The following EXD3 variants were observed in gnomAD, a reference collection of about 807,000 sequenced individuals.
The protein encoded by EXD3 is exonuclease 3'-5' domain containing 3, also known as exonuclease mut-7 homolog.
A neutral mutation model predicts 98.0 loss-of-function variants in EXD3; 92 were observed. That is an observed-to-expected ratio of 0.94 (90% CI 0.79 to 1.12). The LOEUF (loss-of-function observed/expected upper bound fraction) is 1.12. EXD3 is among the 50% of genes most tolerant of loss of function. EXD3 has a pLI of 0.00. For synonymous variants in EXD3, 569 were observed against 526.0 expected, an observed-to-expected ratio of 1.08 and a Z score of -1.12; for missense variants, 1,222 against 1,191.6, an observed-to-expected ratio of 1.03 and a Z score of -0.38.
intron 3 of EXD3, among the ~76,000 whole-genome samples, chr9:137,382,074 G>A (rs1564194634): frequency 1.6e-5 from 2 of 127,906 alleles, no homozygotes; most frequent in East Asian, 2.7e-4. Flanking sequence ...AGGTGAGGGC[G>A]CGCGGTGGAG....
At chr9:137,388,417 C>T (rs561352535) in intron 2 of EXD3, among the ~76,000 whole-genome samples, 11 of 152,312 alleles carry the variant, frequency 7.2e-5, no homozygotes, top group African/African-American at 1.9e-4. Flanking sequence ...TTCCTCCAAA[C>T]GACACCCGGC....
chr9:137,393,287 C>T lies in EXD3; in HGVS notation c.55+2016G>A, dbSNP rs919664565. 1 of 699,740 alleles carries T rather than the reference C, an allele frequency of 1.4e-6. No homozygotes were observed. Among genetic ancestry groups the T allele is most frequent in the East Asian group, 2.7e-5 (1 of 37,222 alleles). 43.3% of individuals were successfully genotyped at this position (699,740 alleles called of 1,614,324 possible). A position where few individuals can be genotyped will look rare whatever the true frequency, so the allele number is the denominator to read the frequency against. On this transcript the variant is annotated intron_variant, in intron 2 of 21. Coordinates refer to ENST00000340951, the MANE Select transcript of EXD3 (RefSeq NM_017820.5). This position sits in a 1 kb window ranked among gnomAD's most constrained non-coding sequence, Gnocchi z 4.6. Reference sequence around the variant, plus strand: ...TGAGGCGAACCCAGGGTCCCATGCGCTCCCCGGCCCTGACGGCGGTCTCCA... The same window carrying T: ...TGAGGCGAACCCAGGGTCCCATGCGTTCCCCGGCCCTGACGGCGGTCTCCA...
chr9:137,316,109 C>T (rs889791927), intron 19 of EXD3, among the ~76,000 whole-genome samples: 1 of 149,360 alleles, frequency 6.7e-6, no homozygotes, highest in Non-Finnish European at 1.5e-5. Flanking sequence ...CTCGGCGGGG[C>T]GCGGCGCGCT....
intron 19 of EXD3, among the ~76,000 whole-genome samples, chr9:137,318,755 G>A (rs1397293566): frequency 1.3e-5 from 2 of 152,280 alleles, no homozygotes; most frequent in Middle Eastern, 3.4e-3. Flanking sequence ...CACGTGGGCA[G>A]ATGCTACCAG....
rs201498026 is a variant in EXD3 at position 137,349,063 on chromosome 9, C to T, written c.1830+47G>A. The T allele has an allele frequency of 6.3e-4, 965 of 1,538,040 alleles. 2 individuals carry two copies. In the African/African-American group the frequency reaches 6.6e-3, roughly 10 times the overall value. On this transcript the variant is annotated intron_variant, in intron 16 of 21. Transcript: ENST00000340951. The surrounding 1 kb of genome is among the most constrained non-coding windows in gnomAD (Gnocchi z 7.4). ...GTCCTTGGTTTATGGACAGGGATCTCCTTCCCCAAGAATGCTGACAAACGG... is the reference window on the plus strand; with the variant it reads ...GTCCTTGGTTTATGGACAGGGATCTTCTTCCCCAAGAATGCTGACAAACGG...
Position 137,365,952 on chromosome 9 carries a change from C to T in EXD3, c.656+541G>A, listed in dbSNP as rs577338794. 2.2e-4 allele frequency: 104 copies of T among 482,294 alleles called. 1 individual carries two copies. The highest frequency in any genetic ancestry group is 1.7e-3 in the African/African-American group (86 of 51,224). The allele number at this position is 482,294 out of a possible 1,614,324, so 29.9% of individuals were successfully genotyped here. A position where few individuals can be genotyped will look rare whatever the true frequency, so the allele number is the denominator to read the frequency against. On this transcript the variant is annotated intron_variant, in intron 7 of 21. Coordinates refer to ENST00000340951, the MANE Select transcript of EXD3 (RefSeq NM_017820.5). ...ACAGGCACACACAAACGTGCACACA[C>T]GCACATATCACGTGCACACACAGAG...
intron 2 of EXD3, among the ~76,000 whole-genome samples, chr9:137,390,431 CCAA>C (rs1836845678): frequency 3.6e-5 from 4 of 109,884 alleles, no homozygotes; most frequent in Admixed American, 9.1e-5. Context: ...GATTCTGTTG[CCAA>C]AAAAAAAAAA....
rs1835575998 is a variant in EXD3, at chr9:137,371,160, A to G, written c.462+1745T>C. ...GAGGCGCATTCAGCCGGCCCCAGAC[A>G]GTCTTTGAAAGGCTCTGTAACAGAA... On this transcript the variant is annotated intron_variant, in intron 5 of 21. Transcript: ENST00000340951. This position sits in a 1 kb window ranked among gnomAD's most constrained non-coding sequence, Gnocchi z 8.0. Among the ~76,000 whole-genome samples the G allele has an allele frequency of 1.3e-5, 2 of 152,142 alleles. No individual in the cohort carries two copies. Among genetic ancestry groups the G allele is most frequent in the Admixed American group, 6.5e-5 (1 of 15,288 alleles).
At chr9:137,313,012 G>A (rs1831448804) in intron 19 of EXD3, among the ~76,000 whole-genome samples, 1 of 152,206 alleles carries the variant, frequency 6.6e-6, no homozygotes, top group African/African-American at 2.4e-5. Context: ...TAGGTGGCTG[G>A]TGCACAGGAG....
At chr9:137,310,317 C>T (rs1831293179) in intron 19 of EXD3, among the ~76,000 whole-genome samples, 1 of 152,318 alleles carries the variant, frequency 6.6e-6, no homozygotes, top group South Asian at 2.1e-4. Context: ...AATCACAGCT[C>T]ACTGCAGCCT....
chr9:137,308,993 G>T (rs922706736), intron 20 of EXD3, among the ~76,000 whole-genome samples: 3 of 152,136 alleles, frequency 2.0e-5, no homozygotes, highest in South Asian at 4.1e-4. Flanking sequence ...CCCCGTGCCA[G>T]CCCCCGACTG....
rs146987075 is a variant in EXD3 at position 137,312,864 on chromosome 9, G to T, written c.2185-3164C>A. ...AGGGGCCAGCGCTGGGCTGCAGAATGTGCCTCCAGCAGTGTCTGTGTGCCC... is the reference window on the plus strand; with the variant it reads ...AGGGGCCAGCGCTGGGCTGCAGAATTTGCCTCCAGCAGTGTCTGTGTGCCC... On this transcript the variant is annotated intron_variant, in intron 19 of 21. Transcript: ENST00000340951. Among the ~76,000 whole-genome samples the T allele has an allele frequency of 3.4e-4, 52 of 152,272 alleles. No homozygotes were observed. In the East Asian group the frequency reaches 9.7e-3, roughly 28 times the overall value.
intron 10 of EXD3, chr9:137,353,125 C>G: frequency 8.5e-7 from 1 of 1,179,708 alleles, no homozygotes. Context: ...ACCTTCCCGG[C>G]CTCCAAGCCT....
intron 1 of EXD3, among the ~76,000 whole-genome samples, chr9:137,420,551 G>A (rs948553973): frequency 1.3e-5 from 2 of 152,174 alleles, no homozygotes; most frequent in South Asian, 2.1e-4. Flanking sequence ...TGGATATGAC[G>A]AGACTGCTTT....
At chr9:137,390,227 G>A (rs1432287679) in intron 2 of EXD3, among the ~76,000 whole-genome samples, 4 of 149,292 alleles carry the variant, frequency 2.7e-5, no homozygotes, top group East Asian at 2.0e-4. Flanking sequence ...TCAGGAGATC[G>A]AGACCATCCT....
intron 1 of EXD3, among the ~76,000 whole-genome samples, chr9:137,411,406 G>A (rs1350628533): frequency 3.3e-5 from 5 of 151,946 alleles, no homozygotes; most frequent in Admixed American, 1.3e-4. Context: ...GGGAGGCCTG[G>A]CCAGACACCC....
chr9:137,367,892 A>G, intron 6 of EXD3, 44 bp downstream of exon 6: 1 of 1,586,976 alleles, frequency 6.3e-7, no homozygotes, highest in Non-Finnish European at 8.6e-7. Context: ...CCTGGGCGTT[A>G]TCCAAGTTTG....
chr9:137,374,230 G>T (rs550149951), intron 3 of EXD3, among the ~76,000 whole-genome samples: 1 of 152,244 alleles, frequency 6.6e-6, no homozygotes, highest in Non-Finnish European at 1.5e-5. Context: ...AGGTCATTCC[G>T]CAGGTAGAAT....
At chr9:137,312,072 C>T (rs1269135920) in intron 19 of EXD3, among the ~76,000 whole-genome samples, 2 of 152,226 alleles carry the variant, frequency 1.3e-5, no homozygotes, top group African/African-American at 4.8e-5. Context: ...CCAGGGTTCT[C>T]ACGCCGCCTC....
Sources: allele counts gnomAD v4.1 joint callset (sites outside exome capture counted in the v4.1 genomes callset), GRCh38; gene constraint gnomAD v4.1.1; non-coding constraint Gnocchi (gnomAD v3.1); transcripts MANE v1.5; gene names NCBI Gene and HGNC (gene_info 2026-07-23, HGNC 2026-07-21).